The following MDFIC variants were observed in gnomAD, a reference collection of about 807,000 sequenced individuals.
The protein encoded by MDFIC is MyoD family inhibitor domain containing.
MDFIC carries 17 observed loss-of-function variants against 23.2 expected under a neutral mutation model. The ratio of observed to expected loss-of-function variants is 0.73; its 90% CI spans 0.50 to 1.10. The LOEUF (loss-of-function observed/expected upper bound fraction) is 1.10. MDFIC is among the 50% of genes least tolerant of loss of function. The pLI is 0.00. For missense variants in MDFIC, 356 were observed against 316.6 expected (o/e 1.12, Z -0.95); for synonymous variants, 120 against 115.2 (o/e 1.04, Z -0.27).
intron 4 of MDFIC, among the ~76,000 whole-genome samples, chr7:114,995,226 G>T (rs929594961): frequency 1.3e-5 from 2 of 152,114 alleles, no homozygotes; most frequent in Non-Finnish European, 2.9e-5. Flanking sequence ...CTCTATGCTG[G>T]TTATTCTAGT....
chr7:115,009,402 G>A (rs571363107), intron 4 of MDFIC, among the ~76,000 whole-genome samples: 7 of 152,266 alleles, frequency 4.6e-5, no homozygotes, highest in East Asian at 1.9e-4. Context: ...GTTTAGAGGC[G>A]AGCTGAGTTT....
intron 3 of MDFIC, among the ~76,000 whole-genome samples, chr7:114,965,779 G>A (rs1214250243): frequency 1.3e-5 from 2 of 152,122 alleles, no homozygotes; most frequent in African/African-American, 4.8e-5. Context: ...ATGAGAATAA[G>A]CAATATTTTC....
Position 114,922,624 on chromosome 7 carries a change from G to A in MDFIC, c.-120G>A. ...GAGGAAGGGGCTTGGAGCGACTACG[G>A]GGGGATGCGGAGGTAGGTAGTGGTC... On this transcript the variant is annotated 5_prime_UTR_variant, in exon 1 of 5. Transcript: ENST00000393486. 1 of 1,282,892 alleles carries A rather than the reference G, an allele frequency of 7.8e-7. No homozygotes were observed. Among genetic ancestry groups the A allele is most frequent in the African/African-American group, 1.5e-5 (1 of 64,910 alleles). 79.5% of individuals were successfully genotyped at this position (1,282,892 alleles called of 1,614,324 possible).
intron 1 of MDFIC, 58 bp downstream of exon 1, chr7:114,922,694 C>G: frequency 7.4e-7 from 1 of 1,349,446 alleles, no homozygotes; most frequent in African/African-American, 1.5e-5. Context: ...CCCCGGGGTT[C>G]TCCCAAACCC....
intron 4 of MDFIC, among the ~76,000 whole-genome samples, chr7:114,981,635 G>A (rs1384103540): frequency 1.3e-5 from 2 of 152,134 alleles, no homozygotes; most frequent in Non-Finnish European, 2.9e-5. Context: ...GGAGACATGA[G>A]GAGCATAAAA....
In MDFIC at chr7:115,016,467, T is replaced by C. The variant is rs1791796345; in HGVS notation, c.*532T>C. The C allele has an allele frequency of 6.5e-6, 1 of 154,658 alleles. No individual in the cohort carries two copies. Among genetic ancestry groups the C allele is most frequent in the Middle Eastern group, 3.1e-3 (1 of 320 alleles). 9.6% of individuals were successfully genotyped at this position (154,658 alleles called of 1,614,324 possible). ...GGGCAACATGGTGAAACCCCATCTC[T>C]ACTAAAATACAAAAAGTTAGCTGGG... On this transcript the variant is annotated 3_prime_UTR_variant, in exon 5 of 5. Coordinates refer to ENST00000393486, the MANE Select transcript of MDFIC (RefSeq NM_001166345.3).
chr7:115,001,394 A>T (rs1331201174), intron 4 of MDFIC, among the ~76,000 whole-genome samples: 1 of 152,226 alleles, frequency 6.6e-6, no homozygotes, highest in Non-Finnish European at 1.5e-5. Flanking sequence ...CCATAACATA[A>T]CATAATTTGA....
At chr7:114,973,290 G>C (rs990247363) in intron 3 of MDFIC, among the ~76,000 whole-genome samples, 5 of 151,962 alleles carry the variant, frequency 3.3e-5, no homozygotes, top group African/African-American at 1.2e-4. Flanking sequence ...TCAGTGAGAG[G>C]CTCCCCTCCC....
intron 4 of MDFIC, among the ~76,000 whole-genome samples, chr7:114,996,653 GGTTCTCA>G (rs1262215936): frequency 6.6e-6 from 1 of 152,138 alleles, no homozygotes; most frequent in Admixed American, 6.5e-5. Flanking sequence ...TGGCAACTGG[GGTTCTCA>G]ACCCTGGCCT....
intron 2 of MDFIC, among the ~76,000 whole-genome samples, chr7:114,940,742 C>A (rs1430410102): frequency 6.6e-6 from 1 of 152,154 alleles, no homozygotes; most frequent in Non-Finnish European, 1.5e-5. Context: ...TCCTCATCAC[C>A]TAGCACAATG....
intron 4 of MDFIC, among the ~76,000 whole-genome samples, chr7:115,003,414 A>G (rs1192206259): frequency 2.6e-5 from 4 of 152,128 alleles, no homozygotes; most frequent in Non-Finnish European, 4.4e-5. Context: ...ATTTTAAACC[A>G]AACTGTTTTT....
intron 4 of MDFIC, among the ~76,000 whole-genome samples, chr7:115,003,853 C>G (rs1791512966): frequency 6.6e-6 from 1 of 152,168 alleles, no homozygotes; most frequent in Admixed American, 6.5e-5. Flanking sequence ...TTTCAGAGCT[C>G]CATCTTACAA....
rs1793365998 is a variant in MDFIC, at chr7:114,978,845, TG to T, written c.218-658del. Reference sequence around the variant, plus strand: ...CAATATTGCATAAGTCACGTAAGGGTGGGCATTTGACATACTTCTAAAGTCC... The same window carrying T: ...CAATATTGCATAAGTCACGTAAGGGTGGCATTTGACATACTTCTAAAGTCC... On this transcript the variant is annotated intron_variant, in intron 3 of 4. Coordinates refer to ENST00000393486, the MANE Select transcript of MDFIC (RefSeq NM_001166345.3). Among the ~76,000 whole-genome samples, 3 of 152,238 alleles carry T rather than the reference TG, an allele frequency of 2.0e-5. No individual in the cohort carries two copies. In the South Asian group the frequency reaches 6.2e-4, roughly 32 times the overall value.
At chr7:115,011,619 A>G (rs1791684166) in intron 4 of MDFIC, among the ~76,000 whole-genome samples, 1 of 152,238 alleles carries the variant, frequency 6.6e-6, no homozygotes, top group Admixed American at 6.5e-5. Flanking sequence ...CAGGCAAATT[A>G]ATTTGTAAAT....
intron 3 of MDFIC, among the ~76,000 whole-genome samples, chr7:114,949,661 G>A (rs965833427): frequency 3.3e-5 from 5 of 152,194 alleles, no homozygotes; most frequent in African/African-American, 1.2e-4. Context: ...AGTGATGGGT[G>A]TGGGTTCTGC....
At chr7:114,946,225 A>AGTGTGTGT (rs141050062) in intron 3 of MDFIC, among the ~76,000 whole-genome samples, 24 of 149,722 alleles carry the variant, frequency 1.6e-4, no homozygotes, top group African/African-American at 5.7e-4. Flanking sequence ...TAGGAAGAAG[A>AGTGTGTGT]GTGTGTGTGT....
At chr7:114,940,791 G>T (rs1034580021) in intron 2 of MDFIC, among the ~76,000 whole-genome samples, 4 of 152,102 alleles carry the variant, frequency 2.6e-5, no homozygotes, top group African/African-American at 4.8e-5. Flanking sequence ...ATTATTGAAA[G>T]AATAAATTGG....
chr7:114,943,366 T>C (rs1474558829), intron 3 of MDFIC, among the ~76,000 whole-genome samples: 1 of 149,954 alleles, frequency 6.7e-6, no homozygotes, highest in African/African-American at 2.5e-5. Context: ...CAAAATAAAT[T>C]AGAAAAAAAA....
At chr7:114,923,552 C>A (rs1479673870) in intron 2 of MDFIC, 9 of 1,535,514 alleles carry the variant, frequency 5.9e-6, no homozygotes, top group Admixed American at 2.0e-5. Context: ...TCCTCTACCA[C>A]CCGGTTGATA....
Sources: allele counts gnomAD v4.1 joint callset (sites outside exome capture counted in the v4.1 genomes callset), GRCh38; gene constraint gnomAD v4.1.1; transcripts MANE v1.5; gene names NCBI Gene and HGNC (gene_info 2026-07-23, HGNC 2026-07-21).